Variants in UNC45B observed in about 807,000 individuals in gnomAD.
The protein encoded by UNC45B is unc-45 myosin chaperone B.
In UNC45B, 78 loss-of-function variants were observed where a neutral mutation model predicts 98.7. The ratio of observed to expected loss-of-function variants is 0.79; its 90% CI spans 0.66 to 0.95. The LOEUF is 0.95. Ranked by LOEUF, UNC45B falls within the 40% of genes least tolerant of loss-of-function variation. UNC45B has a pLI of 0.00. For missense variants in UNC45B, 1,225 were observed against 1,184.9 expected, an observed-to-expected ratio of 1.03 and a Z score of -0.50; for synonymous variants, 462 against 480.4, an observed-to-expected ratio of 0.96 and a Z score of 0.50.
At chr17:35,165,383 G>A (rs9303682) in intron 9 of UNC45B, among the ~76,000 whole-genome samples, 59,546 of 152,012 alleles carry the variant, frequency 0.39, 12,004 homozygotes, top group African/African-American at 0.5. Context: ...CTTTATTGCA[G>A]TGATTCCCAG....
intron 2 of UNC45B, among the ~76,000 whole-genome samples, chr17:35,148,675 C>T (rs1331000240): frequency 1.3e-5 from 2 of 152,106 alleles, no homozygotes; most frequent in Non-Finnish European, 1.5e-5. Context: ...ACTAATGGCC[C>T]GTGAGATAGC....
intron 5 of UNC45B, 103 bp downstream of exon 5, chr17:35,153,085 C>T (rs2092032762): frequency 2.0e-6 from 2 of 1,003,990 alleles, no homozygotes; most frequent in Non-Finnish European, 3.0e-6. Flanking sequence ...TCTTTGCAGC[C>T]CAGGAAGGAA....
intron 13 of UNC45B, 93 bp from the exon 14 acceptor site, chr17:35,174,149 C>G (rs1006580749): frequency 3.2e-6 from 5 of 1,554,814 alleles, no homozygotes; most frequent in Non-Finnish European, 4.4e-6. Flanking sequence ...TTCAACCAAC[C>G]CCAAGAATTC....
At position 35,164,062 on chromosome 17, in the gene UNC45B, C is replaced by T. The variant is rs1419856162; in HGVS notation, c.1047C>T (p.Asp349=). Residue 349 remains aspartate, a synonymous_variant, in exon 9 of 20, where the codon GAC becomes GAT. Transcript: ENST00000394570. ...PDLPSCLPLT[D]NTRMLASILI... The stretch of plus-strand genomic sequence containing the variant: ...TGCCATCCTGCCTGCCCCTGACTGA[C>T]AACACCCGCATGCTGGCCTCTATCC... The T allele has an allele frequency of 5.6e-6, 9 of 1,613,946 alleles. No individual in the cohort carries two copies. Among genetic ancestry groups the T allele is most frequent in the Non-Finnish European group, 7.6e-6 (9 of 1,180,010 alleles).
intron 9 of UNC45B, chr17:35,164,502 G>T (rs531706562): frequency 1.6e-5 from 3 of 182,242 alleles, no homozygotes; most frequent in African/African-American, 7.1e-5. Context: ...CTGCTGAAGC[G>T]TCTTCACTGC....
chr17:35,173,537 T>C (rs765042377), intron 13 of UNC45B, among the ~76,000 whole-genome samples: 4 of 152,074 alleles, frequency 2.6e-5, no homozygotes, highest in Admixed American at 6.5e-5. Context: ...TAAGGGAGAA[T>C]CATTTTGTTG....
rs768887978 is a variant in UNC45B, at chr17:35,174,350, A to G, written c.1939A>G (p.Thr647Ala). 1 of 1,614,142 alleles carries G rather than the reference A, an allele frequency of 6.2e-7. No individual in the cohort carries two copies. The highest frequency in any genetic ancestry group is 8.5e-7 in the Non-Finnish European group (1 of 1,180,006). ...AGATAGTGCCATCCTCACTGACCAG[A>G]CCAAGGAGCTGCTGGCCAGGTGGGG... is the stretch of plus-strand genomic sequence containing the variant. ...KADSAILTDQ[T>A]KELLARVFLA... The change falls in exon 14 of 20, where the codon ACC (threonine) becomes GCC (alanine). Residue 647 changes from threonine to alanine, a missense_variant. Physicochemically the swap from Thr to Ala is moderately conservative, Grantham distance 58. Coordinates refer to ENST00000394570, the MANE Select transcript of UNC45B (RefSeq NM_001267052.2).
intron 16 of UNC45B, 38 bp from the exon 17 acceptor site, chr17:35,177,457 G>T (rs1373135425): frequency 1.3e-6 from 2 of 1,487,806 alleles, no homozygotes; most frequent in Non-Finnish European, 9.2e-7. Flanking sequence ...AGGGAACAAA[G>T]TCCTCACCTG....
At chr17:35,175,895 T>G in intron 14 of UNC45B, 73 bp from the exon 15 acceptor site, 11 of 1,451,912 alleles carry the variant, frequency 7.6e-6, no homozygotes, top group Non-Finnish European at 1.1e-5. Context: ...TCCGACTGGC[T>G]GGCCTGCTGC....
intron 8 of UNC45B, among the ~76,000 whole-genome samples, chr17:35,162,571 G>C (rs891487544): frequency 6.6e-6 from 1 of 151,784 alleles, no homozygotes; most frequent in Non-Finnish European, 1.5e-5. Flanking sequence ...TTACAGGCAT[G>C]AGCCACCAAG....
At chr17:35,171,194 G>T in intron 12 of UNC45B, 128 bp from the exon 13 acceptor site, 1 of 1,217,930 alleles carries the variant, frequency 8.2e-7, no homozygotes, top group South Asian at 1.5e-5. Context: ...TCTTTCCTCA[G>T]AATGGGCCCT....
chr17:35,170,904 C>G (rs2092180555), intron 12 of UNC45B, among the ~76,000 whole-genome samples: 1 of 152,082 alleles, frequency 6.6e-6, no homozygotes, highest in Non-Finnish European at 1.5e-5. Context: ...TCCCAGGCCC[C>G]CCCAGACTCC....
intron 18 of UNC45B, 109 bp downstream of exon 18, chr17:35,180,785 G>T (rs1410168587): frequency 4.3e-6 from 3 of 702,316 alleles, no homozygotes; most frequent in Non-Finnish European, 7.1e-6. Context: ...CATTAAGGTA[G>T]CATTTTGGGC....
intron 18 of UNC45B, 53 bp from the exon 19 acceptor site, chr17:35,183,374 G>C: frequency 6.8e-7 from 1 of 1,460,614 alleles, no homozygotes; most frequent in Middle Eastern, 1.9e-4. Context: ...TCCCTCTTCA[G>C]GCTGGGCAGA....
At position 35,180,625 on chromosome 17, in the gene UNC45B, G is replaced by A; in HGVS notation, c.2322G>A (p.Gln774=). ...IENYMFENHD[Q]LRQAATECMC... ...ACTACATGTTTGAGAATCATGATCA[G>A]CTGCGGCAGGCGGCCACCGAGTGCA... Residue 774 remains glutamine, a synonymous_variant, in exon 18 of 20, where the codon CAG becomes CAA. Coordinates refer to ENST00000394570, the MANE Select transcript of UNC45B (RefSeq NM_001267052.2). The A allele has an allele frequency of 6.2e-7, 1 of 1,613,818 alleles. No homozygotes were observed. The highest frequency in any genetic ancestry group is 8.5e-7 in the Non-Finnish European group (1 of 1,179,950).
chr17:35,180,071 A>C (rs1448855082), intron 17 of UNC45B, among the ~76,000 whole-genome samples: 1 of 152,146 alleles, frequency 6.6e-6, no homozygotes, highest in Non-Finnish European at 1.5e-5. Flanking sequence ...GTAGATAAAA[A>C]GTCTGGGGTA....
chr17:35,183,554 A>G lies in UNC45B; in HGVS notation c.2501A>G (p.Lys834Arg), dbSNP rs779399504. Residue 834 changes from lysine to arginine, a missense_variant, in exon 19 of 20, where the codon AAG becomes AGG. Transcript: ENST00000394570. ...GALAMLTAAH[K>R]KLCLKMTQVT... ...CTGGCCATGCTGACAGCAGCACACA[A>G]GAAACTGTGCCTCAAGATGACTCAA... 9.5e-6 allele frequency: 15 copies of G among 1,585,010 alleles called. No individual in the cohort carries two copies. Among genetic ancestry groups the G allele is most frequent in the Non-Finnish European group, 1.3e-5 (15 of 1,165,560 alleles).
Position 35,169,906 on chromosome 17 carries a change from G to T in UNC45B, c.1522G>T (p.Glu508Ter), listed in dbSNP as rs769744470. ...GLRQFAEGST[E>*]KLAKQCRKWL... ...CAGGCAGTTTGCGGAAGGGTCGACA[G>T]AAAAACTGGCCAAACAGTGTCGCAA... is the stretch of plus-strand genomic sequence containing the variant. Residue 508 changes from glutamate (E) to a stop codon, truncating the protein, a stop_gained, in exon 11 of 20, where the codon GAA becomes TAA. Transcript: ENST00000394570. LOFTEE classifies it high-confidence loss of function. 6.2e-7 allele frequency: 1 copy of T among 1,614,184 alleles called. No homozygotes were observed. Among genetic ancestry groups the T allele is most frequent in the Admixed American group, 1.7e-5 (1 of 60,030 alleles).
intron 17 of UNC45B, among the ~76,000 whole-genome samples, chr17:35,178,939 T>C (rs1597933257): frequency 6.6e-6 from 1 of 152,222 alleles, no homozygotes; most frequent in South Asian, 2.1e-4. Context: ...TTGGTTACTG[T>C]AGCCTTGTAG....
Sources: allele counts gnomAD v4.1 joint callset (sites outside exome capture counted in the v4.1 genomes callset), GRCh38; gene constraint gnomAD v4.1.1; transcripts MANE v1.5; gene names NCBI Gene and HGNC (gene_info 2026-07-23, HGNC 2026-07-21).